The following VPS50 variants were observed in gnomAD, a reference collection of about 807,000 sequenced individuals.
VPS50 encodes the protein VPS50 subunit of EARP/GARPII complex, also known as syndetin.
VPS50 carries 70 observed loss-of-function variants against 139.7 expected under a neutral mutation model. That is an observed-to-expected ratio of 0.50 (90% CI 0.41 to 0.61). VPS50 has a LOEUF of 0.61. Among genes scored for constraint, VPS50 ranks in the 20% least tolerant of loss-of-function variants. The pLI is 0.00. For synonymous variants in VPS50, 365 were observed against 376.7 expected (o/e 0.97, Z 0.36); for missense variants, 921 against 1,133.7 (o/e 0.81, Z 2.69).
At chr7:93,343,325 G>C (rs2117066165) in intron 23 of VPS50, among the ~76,000 whole-genome samples, 1 of 152,216 alleles carries the variant, frequency 6.6e-6, no homozygotes, top group South Asian at 2.1e-4. Context: ...AAGAAATATG[G>C]GACTATGTGA....
intron 20 of VPS50, among the ~76,000 whole-genome samples, chr7:93,313,719 G>A (rs1456629832): frequency 2.0e-5 from 3 of 151,850 alleles, no homozygotes; most frequent in East Asian, 3.9e-4. Flanking sequence ...CTTTTGAACA[G>A]TGGGTTTGTA....
intron 22 of VPS50, among the ~76,000 whole-genome samples, chr7:93,339,340 A>G (rs1258517852): frequency 6.6e-6 from 1 of 151,848 alleles, no homozygotes; most frequent in Non-Finnish European, 1.5e-5. Context: ...TAAAAAAAAA[A>G]AAAACAGAAC....
intron 2 of VPS50, among the ~76,000 whole-genome samples, chr7:93,252,292 A>G (rs889905145): frequency 6.6e-6 from 1 of 152,162 alleles, no homozygotes; most frequent in Non-Finnish European, 1.5e-5. Context: ...GGTGAGACAG[A>G]TTTTAGAATA....
chr7:93,337,317 A>G (rs941403705), intron 22 of VPS50, among the ~76,000 whole-genome samples: 3 of 152,208 alleles, frequency 2.0e-5, no homozygotes, highest in Admixed American at 1.3e-4. Context: ...AAGGGAACTC[A>G]GTGCATTTGT....
At chr7:93,287,772 T>C (rs1796533945) in intron 12 of VPS50, among the ~76,000 whole-genome samples, 1 of 152,148 alleles carries the variant, frequency 6.6e-6, no homozygotes. Flanking sequence ...AGCCCAGAAC[T>C]TTTTGGGATT....
At chr7:93,330,695 A>AGTG (rs918695530) in intron 21 of VPS50, among the ~76,000 whole-genome samples, 1 of 135,682 alleles carries the variant, frequency 7.4e-6, no homozygotes, top group Non-Finnish European at 1.5e-5. Context: ...TCGAGGCTGC[A>AGTG]GTGAGCTGTG....
At position 93,256,497 on chromosome 7, in the gene VPS50, A is replaced by C; in HGVS notation, c.298-12A>C. On this transcript the variant is annotated splice_polypyrimidine_tract_variant and intron_variant, in intron 4 of 27. Coordinates refer to ENST00000305866, the MANE Select transcript of VPS50 (RefSeq NM_017667.4). The stretch of plus-strand genomic sequence containing the variant: ...TCTTTTATTTCCTTTGTTTGATTAC[A>C]TCTTCTTATAGGTATCTAAAAAAGT... 7.8e-7 allele frequency: 1 copy of C among 1,285,938 alleles called. No individual in the cohort carries two copies. The highest frequency in any genetic ancestry group is 1.6e-5 in the African/African-American group (1 of 64,024). 79.7% of individuals were successfully genotyped at this position (1,285,938 alleles called of 1,614,324 possible).
chr7:93,267,573 A>C (rs1359140536), intron 9 of VPS50, among the ~76,000 whole-genome samples: 1 of 152,170 alleles, frequency 6.6e-6, no homozygotes, highest in African/African-American at 2.4e-5. Context: ...TGCCTTAAAC[A>C]CTTGTGCCTT....
intron 12 of VPS50, among the ~76,000 whole-genome samples, chr7:93,291,100 T>C (rs1417791564): frequency 6.6e-6 from 1 of 152,072 alleles, no homozygotes; most frequent in Non-Finnish European, 1.5e-5. Flanking sequence ...AAATTGGTTG[T>C]TTTTACAAAG....
intron 23 of VPS50, among the ~76,000 whole-genome samples, chr7:93,343,549 A>C (rs1798291995): frequency 6.6e-6 from 1 of 152,114 alleles, no homozygotes; most frequent in African/African-American, 2.4e-5. Context: ...ACCAAAGTTG[A>C]AATGAAGGAA....
chr7:93,249,716 T>A (rs1795262570), intron 2 of VPS50, among the ~76,000 whole-genome samples: 1 of 152,106 alleles, frequency 6.6e-6, no homozygotes, highest in Non-Finnish European at 1.5e-5. Flanking sequence ...CCTCATTTCC[T>A]CCCCTCCCTC....
intron 25 of VPS50, among the ~76,000 whole-genome samples, chr7:93,352,087 C>G (rs905188631): frequency 1.3e-5 from 2 of 152,094 alleles, no homozygotes; most frequent in African/African-American, 4.8e-5. Context: ...TTGTATGATT[C>G]ATTTTATAAC....
chr7:93,238,912 C>T (rs928819331), intron 1 of VPS50, among the ~76,000 whole-genome samples: 1 of 151,986 alleles, frequency 6.6e-6, no homozygotes, highest in African/African-American at 2.4e-5. Context: ...GGAAAACTTG[C>T]GGTTGAGGCA....
rs1794924891 is a variant in VPS50, at chr7:93,239,795, G to A, written c.34-71G>A. On this transcript the variant is annotated intron_variant, in intron 1 of 27. Coordinates refer to ENST00000305866, the MANE Select transcript of VPS50 (RefSeq NM_017667.4). ...TTTTAAAGTGGTCATTTCTGTTTCAGTAGGTGTATTCTATCCTTTTATAAT... is the reference window on the plus strand; with the variant it reads ...TTTTAAAGTGGTCATTTCTGTTTCAATAGGTGTATTCTATCCTTTTATAAT... 9 of 830,572 alleles carry A rather than the reference G, an allele frequency of 1.1e-5. No homozygotes were observed. The South Asian group carries it at 1.2e-4, about 11-fold the overall frequency. The allele number at this position is 830,572 out of a possible 1,614,324, so 51.5% of individuals were successfully genotyped here.
intron 21 of VPS50, among the ~76,000 whole-genome samples, chr7:93,330,491 G>T (rs1161741840): frequency 1.3e-5 from 2 of 151,998 alleles, no homozygotes; most frequent in Non-Finnish European, 2.9e-5. Context: ...TGATGGTTCA[G>T]ACTTGTAATC....
chr7:93,233,412 G>A (rs1287681976), intron 1 of VPS50, among the ~76,000 whole-genome samples: 1 of 152,182 alleles, frequency 6.6e-6, no homozygotes, highest in African/African-American at 2.4e-5. Flanking sequence ...TAATCGTTTA[G>A]TGAAAGGTAT....
chr7:93,340,271 G>A (rs1179658229), intron 22 of VPS50, among the ~76,000 whole-genome samples: 1 of 152,096 alleles, frequency 6.6e-6, no homozygotes, highest in African/African-American at 2.4e-5. Context: ...CTGTACAAAG[G>A]GAAACTTAGT....
chr7:93,250,066 G>A (rs1388419268), intron 2 of VPS50, among the ~76,000 whole-genome samples: 4 of 151,972 alleles, frequency 2.6e-5, no homozygotes, highest in African/African-American at 7.3e-5. Flanking sequence ...TGATAGCTAT[G>A]TCATTGACCT....
chr7:93,232,479 C>A lies in VPS50; in HGVS notation c.12C>A (p.Ile4=). 1 of 1,613,566 alleles carries A rather than the reference C, an allele frequency of 6.2e-7. No homozygotes were observed. Among genetic ancestry groups the A allele is most frequent in the South Asian group, 1.1e-5 (1 of 91,026 alleles). Residue 4 remains isoleucine (I), a synonymous_variant, in exon 1 of 28, where the codon ATC becomes ATA. Transcript: ENST00000305866. MQK[I]KSLMTRQGLK... The stretch of plus-strand genomic sequence containing the variant: ...CTCAGGATTTCGATATGCAAAAAAT[C>A]AAATCTCTCATGACCCGACAGGTAA...
Sources: gnomAD v4.1 joint callset for allele counts (sites outside exome capture counted in the v4.1 genomes callset) on GRCh38, gnomAD v4.1.1 for gene constraint, MANE v1.5 for transcripts, NCBI Gene and HGNC (gene_info 2026-07-23, HGNC 2026-07-21) for gene names.